CKS2: variants seen among roughly 807,000 people sequenced by gnomAD.
CKS2 encodes the protein cyclin-dependent kinases regulatory subunit 2.
Under a neutral mutation model 14.3 loss-of-function variants are expected in CKS2, and 4 were observed. The ratio of observed to expected loss-of-function variants is 0.28; its 90% CI spans 0.14 to 0.64. The LOEUF (loss-of-function observed/expected upper bound fraction) is 0.64, where lower values mean the gene tolerates loss of function less well. Among genes scored for constraint, CKS2 ranks in the 30% least tolerant of loss-of-function variants. CKS2 has a pLI of 0.83. For missense variants in CKS2, 71 were observed against 94.3 expected (o/e 0.75, Z 1.02); for synonymous variants, 33 against 28.7 (o/e 1.15, Z -0.48).
chr9:89,316,401 T>G lies in CKS2; in HGVS notation c.216T>G (p.Pro72=), dbSNP rs1824712652. Residue 72 remains proline (P), a synonymous_variant, in exon 3 of 3, where the codon CCT becomes CCG. Coordinates refer to ENST00000314355, the MANE Select transcript of CKS2 (RefSeq NM_001827.3). ...PEPHILLFRR[P]LPKDQQK is the part of the protein sequence containing the mutation. ...CACATATTCTTCTCTTTAGACGACCTCTTCCAAAAGATCAACAAAAATGAA... is the reference window on the plus strand; with the variant it reads ...CACATATTCTTCTCTTTAGACGACCGCTTCCAAAAGATCAACAAAAATGAA... 6.3e-6 allele frequency: 10 copies of G among 1,595,840 alleles called. No individual in the cohort carries two copies. Among genetic ancestry groups the G allele is most frequent in the Non-Finnish European group, 8.6e-6 (10 of 1,167,330 alleles).
In CKS2 at chr9:89,314,898, A is replaced by G. The variant is rs190289055; in HGVS notation, c.60-272A>G. Among the ~76,000 whole-genome samples, 97 of 152,294 alleles carry G rather than the reference A, an allele frequency of 6.4e-4. 1 individual carries two copies. In the South Asian group the frequency reaches 0.016, roughly 25 times the overall value. ...TTGGAGGCTGGTAACCATATGTTCAACTTATATTTTGGGGTTCTCTTCCTG... is the reference window on the plus strand; with the variant it reads ...TTGGAGGCTGGTAACCATATGTTCAGCTTATATTTTGGGGTTCTCTTCCTG... On this transcript the variant is annotated intron_variant, in intron 1 of 2. Transcript: ENST00000314355.
intron 2 of CKS2, 61 bp downstream of exon 2, chr9:89,315,358 C>CA (rs1824687654): frequency 1.5e-6 from 2 of 1,355,172 alleles, no homozygotes; most frequent in Non-Finnish European, 1.9e-6. Flanking sequence ...TTATGGTTGT[C>CA]AAAATTTTAA....
chr9:89,313,142 G>A (rs1449626066), intron 1 of CKS2, among the ~76,000 whole-genome samples: 1 of 152,154 alleles, frequency 6.6e-6, no homozygotes, highest in Non-Finnish European at 1.5e-5. Context: ...ATTTTAAAGG[G>A]GAAACTAGTA....
Position 89,311,269 on chromosome 9 carries a change from C to G in CKS2, c.-24C>G, listed in dbSNP as rs368132606. ...GCGCCCGCTCTTCGCGCTCTCGTTT[C>G]ATTTTCTGCAGCGCGCCAGCAGGAT... On this transcript the variant is annotated 5_prime_UTR_variant, in exon 1 of 3. Transcript: ENST00000314355. 1.2e-6 allele frequency: 2 copies of G among 1,606,800 alleles called. No homozygotes were observed. The highest frequency in any genetic ancestry group is 2.7e-5 in the African/African-American group (2 of 74,584).
Position 89,315,246 on chromosome 9 carries a change from C to A in CKS2, c.136C>A (p.Leu46Ile). ...HLMSEEEWRR[L>I]GVQQSLGWVH... ...GATGTCTGAAGAGGAGTGGAGGAGA[C>A]TTGGTGTCCAACAGAGTCTAGGCTG... Residue 46 changes from leucine to isoleucine, a missense_variant, in exon 2 of 3, where the codon CTT becomes ATT. Physicochemically the swap from Leu to Ile is conservative, Grantham distance 5. Coordinates refer to ENST00000314355, the MANE Select transcript of CKS2 (RefSeq NM_001827.3). 1 of 1,611,806 alleles carries A rather than the reference C, an allele frequency of 6.2e-7. No homozygotes were observed. The highest frequency in any genetic ancestry group is 8.5e-7 in the Non-Finnish European group (1 of 1,178,704).
At chr9:89,313,639 T>C (rs1824657988) in intron 1 of CKS2, among the ~76,000 whole-genome samples, 2 of 152,382 alleles carry the variant, frequency 1.3e-5, no homozygotes, top group African/African-American at 4.8e-5. Context: ...AGAAGGGTGG[T>C]AACTTCTATC....
intron 1 of CKS2, among the ~76,000 whole-genome samples, chr9:89,314,051 A>G (rs143335173): frequency 2.6e-5 from 4 of 152,372 alleles, no homozygotes; most frequent in African/African-American, 9.6e-5. Flanking sequence ...TGTCTCAGAA[A>G]GTGACCAGAT....
intron 1 of CKS2, among the ~76,000 whole-genome samples, chr9:89,313,613 G>A (rs1824657693): frequency 6.6e-6 from 1 of 152,208 alleles, no homozygotes. Flanking sequence ...AGGAGAGCCT[G>A]TTTCCGTGTT....
At position 89,311,252 on chromosome 9, in the gene CKS2, T is replaced by G. The variant is rs759966109; in HGVS notation, c.-41T>G. On this transcript the variant is annotated 5_prime_UTR_variant, in exon 1 of 3. Transcript: ENST00000314355. ...ACGTGGTTTTGTCTGCTGCGCCCGCTCTTCGCGCTCTCGTTTCATTTTCTG... is the reference window on the plus strand; with the variant it reads ...ACGTGGTTTTGTCTGCTGCGCCCGCGCTTCGCGCTCTCGTTTCATTTTCTG... The G allele has an allele frequency of 6.3e-7, 1 of 1,583,966 alleles. No individual in the cohort carries two copies. Among genetic ancestry groups the G allele is most frequent in the African/African-American group, 1.3e-5 (1 of 74,096 alleles).
chr9:89,313,918 C>G (rs1291243517), intron 1 of CKS2, among the ~76,000 whole-genome samples: 1 of 152,210 alleles, frequency 6.6e-6, no homozygotes, highest in Non-Finnish European at 1.5e-5. Flanking sequence ...GGCAATCTAA[C>G]AACACAGTAG....
chr9:89,316,277 GTTTAT>G (rs1824710738), intron 2 of CKS2, 91 bp from the exon 3 acceptor site: 2 of 807,746 alleles, frequency 2.5e-6, no homozygotes, highest in African/African-American at 1.7e-5. Context: ...AGTGGACTTA[GTTTAT>G]TTTATTCTGG....
intron 1 of CKS2, among the ~76,000 whole-genome samples, chr9:89,312,471 C>G (rs3211672): frequency 0.024 from 3,649 of 152,208 alleles, 67 homozygotes; most frequent in Middle Eastern, 0.065. Context: ...ACCTTGTTTT[C>G]TGTCTGCTGC....
chr9:89,315,443 G>A, intron 2 of CKS2, 146 bp downstream of exon 2: 1 of 510,910 alleles, frequency 2.0e-6, no homozygotes, highest in Non-Finnish European at 3.0e-6. Context: ...CTAATTTCTT[G>A]ACTCTGGAGA....
chr9:89,315,566 C>A (rs1403249519), intron 2 of CKS2, among the ~76,000 whole-genome samples: 1 of 150,362 alleles, frequency 6.7e-6, no homozygotes. Flanking sequence ...ATTTTAAAAT[C>A]TGTATCATTG....
chr9:89,316,259 C>G (rs76636810), intron 2 of CKS2, 114 bp from the exon 3 acceptor site: 1 of 693,722 alleles, frequency 1.4e-6, no homozygotes, highest in African/African-American at 1.8e-5. Flanking sequence ...TACCTCAAAC[C>G]AATTAATAGT....
At chr9:89,315,551 AATG>A (rs1446274201) in intron 2 of CKS2, among the ~76,000 whole-genome samples, 1 of 145,630 alleles carries the variant, frequency 6.9e-6, no homozygotes, top group Non-Finnish European at 1.5e-5. Flanking sequence ...AAAAAAAAAA[AATG>A]TATTTTAAAA....
Position 89,311,227 on chromosome 9 carries a change from A to T in CKS2, c.-66A>T, listed in dbSNP as rs905170424. 6.0e-6 allele frequency: 8 copies of T among 1,343,032 alleles called. No homozygotes were observed. The African/African-American group carries it at 7.3e-5, about 12-fold the overall frequency. 83.2% of individuals were successfully genotyped at this position (1,343,032 alleles called of 1,614,324 possible). A position where few individuals can be genotyped will look rare whatever the true frequency, so the allele number is the denominator to read the frequency against. Reference sequence around the variant, plus strand: ...TCCGGCGAGTTGTTGCCTGGGCTGGACGTGGTTTTGTCTGCTGCGCCCGCT... The same window carrying T: ...TCCGGCGAGTTGTTGCCTGGGCTGGTCGTGGTTTTGTCTGCTGCGCCCGCT... On this transcript the variant is annotated 5_prime_UTR_variant, in exon 1 of 3. Transcript: ENST00000314355.
chr9:89,311,466 G>T (rs1414028582), intron 1 of CKS2, 115 bp downstream of exon 1: 1 of 685,442 alleles, frequency 1.5e-6, no homozygotes, highest in Non-Finnish European at 2.3e-6. Context: ...GGCGGAGCCC[G>T]GGGCCGGAGG....
At chr9:89,311,452 G>A in intron 1 of CKS2, 101 bp downstream of exon 1, 3 of 805,776 alleles carry the variant, frequency 3.7e-6, no homozygotes, top group Non-Finnish European at 5.5e-6. Flanking sequence ...GCCGGGGCCT[G>A]GGGGGCGGAG....
Sources: gnomAD v4.1 joint callset for allele counts (sites outside exome capture counted in the v4.1 genomes callset) on GRCh38, gnomAD v4.1.1 for gene constraint, MANE v1.5 for transcripts, NCBI Gene and HGNC (gene_info 2026-07-23, HGNC 2026-07-21) for gene names.